FNBP1L: variants seen among roughly 807,000 people sequenced by gnomAD.
FNBP1L encodes the protein formin binding protein 1 like.
Under a neutral mutation model 91.2 loss-of-function variants are expected in FNBP1L, and 36 were observed. The observed-to-expected ratio is 0.39, with a 90% CI of 0.30 to 0.52. The LOEUF is 0.52. Among genes scored for constraint, FNBP1L ranks in the 20% least tolerant of loss-of-function variants. FNBP1L has a pLI of 0.66. For synonymous variants in FNBP1L, 242 were observed against 237.0 expected, an observed-to-expected ratio of 1.02 and a Z score of -0.19; for missense variants, 571 against 732.1, an observed-to-expected ratio of 0.78 and a Z score of 2.54.
chr1:93,535,471 T>C (rs1453335722), intron 9 of FNBP1L, among the ~76,000 whole-genome samples: 1 of 152,090 alleles, frequency 6.6e-6, no homozygotes, highest in African/African-American at 2.4e-5. Flanking sequence ...TAGGTCAGCA[T>C]GTGAGCAAAT....
At chr1:93,539,629 T>G (rs1347537617) in intron 10 of FNBP1L, among the ~76,000 whole-genome samples, 1 of 152,146 alleles carries the variant, frequency 6.6e-6, no homozygotes, top group Non-Finnish European at 1.5e-5. Context: ...TATTGAAAGA[T>G]AAGTCAAATT....
chr1:93,526,622 C>G (rs1220834162), intron 5 of FNBP1L, among the ~76,000 whole-genome samples: 1 of 152,106 alleles, frequency 6.6e-6, no homozygotes, highest in African/African-American at 2.4e-5. Flanking sequence ...TGTTTTCTGC[C>G]TCTGTACTGG....
intron 2 of FNBP1L, among the ~76,000 whole-genome samples, chr1:93,521,730 C>A (rs960068859): frequency 6.6e-6 from 1 of 152,074 alleles, no homozygotes; most frequent in African/African-American, 2.4e-5. Context: ...TTTGACCCGT[C>A]GTTGAATCTG....
intron 1 of FNBP1L, among the ~76,000 whole-genome samples, chr1:93,467,576 A>C (rs917077058): frequency 6.6e-6 from 1 of 152,166 alleles, no homozygotes; most frequent in African/African-American, 2.4e-5. Context: ...ATGGTTGTAC[A>C]ACAGTATGAA....
intron 1 of FNBP1L, among the ~76,000 whole-genome samples, chr1:93,457,801 A>AT (rs939868154): frequency 2.8e-5 from 4 of 141,228 alleles, no homozygotes; most frequent in East Asian, 2.0e-4. Flanking sequence ...ATTATTATTA[A>AT]TTTTTTTTGA....
rs188523731 is a variant in FNBP1L, at chr1:93,493,544, T to C, written c.25-5924T>C. Among the ~76,000 whole-genome samples the C allele has an allele frequency of 3.6e-3, 541 of 152,322 alleles. 2 individuals carry two copies. Among genetic ancestry groups the C allele is most frequent in the South Asian group, 0.016 (77 of 4,830 alleles). On this transcript the variant is annotated intron_variant, in intron 1 of 16. Transcript: ENST00000271234. ...CCCATTCCTTCCTACCCCTGTTCCCTGTCAACTACCATTCTACTTCCTTCT... is the reference window on the plus strand; with the variant it reads ...CCCATTCCTTCCTACCCCTGTTCCCCGTCAACTACCATTCTACTTCCTTCT...
chr1:93,544,155 A>T lies in FNBP1L; in HGVS notation c.1213A>T (p.Lys405Ter). ...TCATCTGCCACCAGAACAGAGACGTAAAAAACTACAGCAGCGCATTGATGA... is the reference window on the plus strand; with the variant it reads ...TCATCTGCCACCAGAACAGAGACGTTAAAAACTACAGCAGCGCATTGATGA... ...FSHLPPEQRR[K>*]KLQQRIDELN... Residue 405 changes from lysine to a stop codon, truncating the protein, a stop_gained, in exon 12 of 17, where the codon AAA becomes TAA. Coordinates refer to ENST00000271234, the MANE Select transcript of FNBP1L (RefSeq NM_001164473.3). LOFTEE classifies it high-confidence loss of function. The T allele has an allele frequency of 1.2e-5, 19 of 1,612,420 alleles. No homozygotes were observed. The highest frequency in any genetic ancestry group is 1.6e-5 in the Non-Finnish European group (19 of 1,178,962).
chr1:93,495,022 A>G (rs1408484842), intron 1 of FNBP1L, among the ~76,000 whole-genome samples: 1 of 152,210 alleles, frequency 6.6e-6, no homozygotes, highest in East Asian at 1.9e-4. Flanking sequence ...GGGGATTATT[A>G]CAATTTGAGG....
At chr1:93,483,016 T>TAAAA (rs761508055) in intron 1 of FNBP1L, among the ~76,000 whole-genome samples, 2 of 115,352 alleles carry the variant, frequency 1.7e-5, no homozygotes, top group Non-Finnish European at 3.7e-5. Context: ...AGACTCCGTC[T>TAAAA]AAAAAAAACA....
At chr1:93,490,096 G>T (rs1344011917) in intron 1 of FNBP1L, among the ~76,000 whole-genome samples, 5 of 152,160 alleles carry the variant, frequency 3.3e-5, no homozygotes, top group Non-Finnish European at 7.4e-5. Flanking sequence ...TGGATGCAAG[G>T]CTGTATCAAA....
In FNBP1L at chr1:93,507,174, C is replaced by CA. The variant is rs1426877654; in HGVS notation, c.140+7592dup. 2.0e-5 allele frequency among the ~76,000 whole-genome samples: 3 copies of CA among 148,686 alleles called. No homozygotes were observed. The Admixed American group carries it at 2.0e-4, about 10-fold the overall frequency. ...TCTTTCTCTCCGTCCCTCCCTCCCC[C>CA]ACCCCCCCAAACAATGTATCAGCAT... On this transcript the variant is annotated intron_variant, in intron 2 of 16. Transcript: ENST00000271234.
intron 1 of FNBP1L, among the ~76,000 whole-genome samples, chr1:93,492,969 G>T (rs956645321): frequency 2.6e-4 from 39 of 152,198 alleles, no homozygotes; most frequent in African/African-American, 9.4e-4. Flanking sequence ...TGGATTAGAG[G>T]TGACCTTCCC....
intron 1 of FNBP1L, among the ~76,000 whole-genome samples, chr1:93,493,958 C>A (rs1029585836): frequency 5.3e-5 from 8 of 152,114 alleles, no homozygotes. Flanking sequence ...TTTTCAACTC[C>A]CTGGACACTA....
In FNBP1L at chr1:93,530,902, G is replaced by A. The variant is rs558141389; in HGVS notation, c.639+19G>A. The A allele has an allele frequency of 5.8e-5, 88 of 1,506,890 alleles. No homozygotes were observed. The Middle Eastern group carries it at 1.1e-3, about 18-fold the overall frequency. The allele number at this position is 1,506,890 out of a possible 1,614,324, so 93.3% of individuals were successfully genotyped here. On this transcript the variant is annotated intron_variant, in intron 7 of 16. Coordinates refer to ENST00000271234, the MANE Select transcript of FNBP1L (RefSeq NM_001164473.3). ...TTACAAGGTAAATCTTAGATATGAA[G>A]TTAATCTAGTTTTAGATTAACTGGT... is the stretch of plus-strand genomic sequence containing the variant.
intron 1 of FNBP1L, among the ~76,000 whole-genome samples, chr1:93,493,739 A>G (rs1213640094): frequency 1.3e-5 from 2 of 152,174 alleles, no homozygotes; most frequent in Non-Finnish European, 2.9e-5. Context: ...GTATTTATAT[A>G]CCACATTTTA....
chr1:93,505,836 G>A (rs989744903), intron 2 of FNBP1L, among the ~76,000 whole-genome samples: 4 of 152,010 alleles, frequency 2.6e-5, no homozygotes, highest in East Asian at 1.9e-4. Context: ...CTGCCACCAC[G>A]CCCAGCTAAT....
chr1:93,462,397 T>C (rs539439021), intron 1 of FNBP1L, among the ~76,000 whole-genome samples: 1 of 152,316 alleles, frequency 6.6e-6, no homozygotes, highest in Non-Finnish European at 1.5e-5. Flanking sequence ...CCTACATTAG[T>C]ATGGTACATT....
chr1:93,507,381 C>A (rs1670673325), intron 2 of FNBP1L, among the ~76,000 whole-genome samples: 1 of 152,054 alleles, frequency 6.6e-6, no homozygotes, highest in African/African-American at 2.4e-5. Flanking sequence ...GGGGAAGTAA[C>A]ATTAAGGGCA....
At chr1:93,450,133 A>G (rs1452863611) in intron 1 of FNBP1L, among the ~76,000 whole-genome samples, 4 of 152,198 alleles carry the variant, frequency 2.6e-5, no homozygotes, top group Non-Finnish European at 5.9e-5. Flanking sequence ...TTTTAAGGAA[A>G]AACATTTTAG....
Sources: gnomAD v4.1 joint callset for allele counts (sites outside exome capture counted in the v4.1 genomes callset) on GRCh38, gnomAD v4.1.1 for gene constraint, MANE v1.5 for transcripts, NCBI Gene and HGNC (gene_info 2026-07-23, HGNC 2026-07-21) for gene names.